DMXL2: variants seen among roughly 807,000 people sequenced by gnomAD.
DMXL2 encodes Dmx like 2.
In DMXL2, 103 loss-of-function variants were observed where a neutral mutation model predicts 331.1. The ratio of observed to expected loss-of-function variants is 0.31; its 90% CI spans 0.27 to 0.37. The LOEUF (loss-of-function observed/expected upper bound fraction) is 0.37, where lower values mean the gene tolerates loss of function less well. DMXL2 is among the 10% of genes least tolerant of loss of function. DMXL2 has a pLI of 1.00. For synonymous variants in DMXL2, 1,281 were observed against 1,252.1 expected (o/e 1.02, Z -0.49); for missense variants, 3,171 against 3,642.9 (o/e 0.87, Z 3.33).
At chr15:51,498,516 G>C in intron 18 of DMXL2, 36 bp downstream of exon 18, 13 of 1,571,070 alleles carry the variant, frequency 8.3e-6, no homozygotes, top group Non-Finnish European at 8.6e-6. Context: ...ATTTCTATTA[G>C]GTACAACTTT....
chr15:51,544,736 T>C lies in DMXL2; in HGVS notation c.930+847A>G, dbSNP rs1461990265. ...GTAAACAAATTAAGTATAAAAAACT[T>C]ATAAAGTATTACTGCATAATATGAT... On this transcript the variant is annotated intron_variant, in intron 8 of 43. Coordinates refer to ENST00000560891, the MANE Select transcript of DMXL2 (RefSeq NM_001378457.1). Among the ~76,000 whole-genome samples the C allele has an allele frequency of 1.3e-5, 2 of 152,164 alleles. 1 individual carries two copies. Among genetic ancestry groups the C allele is most frequent in the Admixed American group, 1.3e-4 (2 of 15,256 alleles).
Position 51,487,976 on chromosome 15 carries a change from C to G in DMXL2, c.5195G>C (p.Gly1732Ala), listed in dbSNP as rs139225383. Residue 1732 changes from glycine to alanine, a missense_variant, in exon 22 of 44, where the codon GGT becomes GCT. Physicochemically the swap from Gly to Ala is moderately conservative, Grantham distance 60. Around this residue, in one of 7 missense-constraint regions of DMXL2, gnomAD observed 252 missense variants for 387.4 expected, o/e 0.65. Transcript: ENST00000560891. ...TACCTCTATGGCATCTTTCAATGAA[C>G]CAGCTAGCAAGAAAAAAGCAGCCGA... ...EQSAAFFLLA[G>A]SLKDAIEVCL... The G allele has an allele frequency of 6.2e-7, 1 of 1,609,876 alleles. No individual in the cohort carries two copies. The highest frequency in any genetic ancestry group is 1.7e-5 in the Admixed American group (1 of 59,050).
At chr15:51,492,594 A>T (rs1039091568) in intron 19 of DMXL2, among the ~76,000 whole-genome samples, 11 of 152,154 alleles carry the variant, frequency 7.2e-5, no homozygotes, top group Non-Finnish European at 1.5e-4. Context: ...GTACTAATGG[A>T]TTTATCAACA....
chr15:51,528,627 C>A (rs1177843214), intron 13 of DMXL2, among the ~76,000 whole-genome samples: 1 of 152,090 alleles, frequency 6.6e-6, no homozygotes, highest in Admixed American at 6.5e-5. Flanking sequence ...ATATATCAAG[C>A]AAATATTAGA....
intron 1 of DMXL2, among the ~76,000 whole-genome samples, chr15:51,614,631 C>T (rs1035434132): frequency 3.9e-5 from 6 of 152,084 alleles, no homozygotes; most frequent in Non-Finnish European, 7.4e-5. Context: ...AAAAAATAGC[C>T]TTATGAAAAG....
chr15:51,479,903 C>T, intron 25 of DMXL2, 45 bp downstream of exon 25: 2 of 1,351,060 alleles, frequency 1.5e-6, no homozygotes, highest in African/African-American at 1.5e-5. Context: ...ACATATTTAC[C>T]TTCTCAGGGT....
intron 6 of DMXL2, among the ~76,000 whole-genome samples, chr15:51,551,735 G>C (rs1220370653): frequency 6.6e-6 from 1 of 152,188 alleles, no homozygotes; most frequent in Non-Finnish European, 1.5e-5. Flanking sequence ...GCCACTATGT[G>C]AATGGCTGGG....
chr15:51,530,288 A>C (rs1596142370), intron 13 of DMXL2, among the ~76,000 whole-genome samples: 1 of 152,282 alleles, frequency 6.6e-6, no homozygotes, highest in South Asian at 2.1e-4. Flanking sequence ...AAGAAGTCAA[A>C]TTATCCTTGT....
intron 20 of DMXL2, among the ~76,000 whole-genome samples, chr15:51,489,217 C>T (rs1454292535): frequency 1.3e-5 from 2 of 152,086 alleles, no homozygotes; most frequent in Non-Finnish European, 2.9e-5. Flanking sequence ...GAGATATAGC[C>T]TCTGCAAATC....
intron 2 of DMXL2, among the ~76,000 whole-genome samples, chr15:51,571,866 A>C (rs2050690415): frequency 6.6e-6 from 1 of 152,210 alleles, no homozygotes; most frequent in African/African-American, 2.4e-5. Flanking sequence ...CTAACATCAC[A>C]ATTAAAAGAA....
chr15:51,566,234 TGTGTGTGTGTG>T (rs2050272108), intron 3 of DMXL2, among the ~76,000 whole-genome samples: 1 of 1,036 alleles, frequency 9.7e-4, no homozygotes, highest in African/African-American at 1.5e-3. Context: ...GTGTGTGGGG[TGTGTGTGTGTG>T]TGTGTGTGTG....
intron 33 of DMXL2, chr15:51,460,532 G>A (rs948735453): frequency 1.6e-5 from 3 of 184,600 alleles, no homozygotes; most frequent in African/African-American, 7.2e-5. Flanking sequence ...ATATTTTCCT[G>A]TAATATCTTC....
intron 1 of DMXL2, among the ~76,000 whole-genome samples, chr15:51,583,269 C>T (rs1455807483): frequency 4.4e-5 from 4 of 90,052 alleles, no homozygotes; most frequent in African/African-American, 1.8e-4. Flanking sequence ...AATGCTATCC[C>T]TCCCCCCTCC....
At position 51,488,740 on chromosome 15, in the gene DMXL2, T is replaced by C. The variant is rs1408319831; in HGVS notation, c.4954-95A>G. On this transcript the variant is annotated intron_variant, in intron 20 of 43. Transcript: ENST00000560891. ...GTTCCCCTGCTACTTCCATGGCTGA[T>C]AGAAACTGTGGAGACAGAAAAAGTT... is the stretch of plus-strand genomic sequence containing the variant. 6.6e-5 allele frequency: 72 copies of C among 1,090,154 alleles called. 1 individual carries two copies. The South Asian group carries it at 9.7e-4, about 15-fold the overall frequency. 67.5% of individuals were successfully genotyped at this position (1,090,154 alleles called of 1,614,324 possible).
At chr15:51,455,877 C>G (rs1436440021) in intron 39 of DMXL2, among the ~76,000 whole-genome samples, 189 bp downstream of exon 39, 1 of 152,046 alleles carries the variant, frequency 6.6e-6, no homozygotes, top group African/African-American at 2.4e-5. Context: ...GATGATTAAT[C>G]CATACTAAAT....
At chr15:51,531,902 G>A (rs2048023577) in intron 13 of DMXL2, among the ~76,000 whole-genome samples, 2 of 152,172 alleles carry the variant, frequency 1.3e-5, no homozygotes, top group Admixed American at 1.3e-4. Flanking sequence ...GGAGAAAAGG[G>A]AACCCTCATA....
chr15:51,478,677 A>T (rs893348976), intron 25 of DMXL2, among the ~76,000 whole-genome samples: 4 of 152,272 alleles, frequency 2.6e-5, no homozygotes, highest in African/African-American at 9.6e-5. Flanking sequence ...GTAATATTTA[A>T]AAAAAAGCAG....
chr15:51,502,533 G>C, intron 17 of DMXL2, among the ~76,000 whole-genome samples: 1 of 152,072 alleles, frequency 6.6e-6, no homozygotes, highest in Non-Finnish European at 1.5e-5. Context: ...ATGTTAGCCA[G>C]GGTGGTCTCG....
intron 1 of DMXL2, among the ~76,000 whole-genome samples, chr15:51,614,273 GA>G (rs534062505): frequency 1.3e-5 from 2 of 151,850 alleles, no homozygotes; most frequent in African/African-American, 4.8e-5. Flanking sequence ...GAACTGTGAG[GA>G]AAAAAAATCT....
Sources: gnomAD v4.1 joint callset for allele counts (sites outside exome capture counted in the v4.1 genomes callset) on GRCh38, gnomAD v4.1.1 for gene constraint, gnomAD v4.1.1 regional missense constraint, MANE v1.5 for transcripts, NCBI Gene and HGNC (gene_info 2026-07-23, HGNC 2026-07-21) for gene names.